The following CSMD1 variants were observed in gnomAD, a reference collection of about 807,000 sequenced individuals.
The protein encoded by CSMD1 is CUB and sushi domain-containing protein 1.
In CSMD1, 213 loss-of-function variants were observed where a neutral mutation model predicts 417.5. That is an observed-to-expected ratio of 0.51 (90% CI 0.46 to 0.57). The LOEUF is 0.57. Among genes scored for constraint, CSMD1 ranks in the 20% least tolerant of loss-of-function variants. The pLI is 0.00. For synonymous variants in CSMD1, 2,862 were observed against 1,736.8 expected (o/e 1.65, Z -16.11); for missense variants, 6,923 against 4,529.7 (o/e 1.53, Z -15.17).
intron 1 of CSMD1, among the ~76,000 whole-genome samples, chr8:4,744,241 C>A (rs1448110915): frequency 6.6e-6 from 1 of 152,224 alleles, no homozygotes; most frequent in Non-Finnish European, 1.5e-5. Context: ...CAAGTCCCCA[C>A]TTGGAAAGTA....
In CSMD1 at chr8:4,423,089, T is replaced by G. The variant is rs541018381; in HGVS notation, c.303-3024A>C. On this transcript the variant is annotated intron_variant, in intron 2 of 69. Transcript: ENST00000635120. The stretch of plus-strand genomic sequence containing the variant: ...AATTTAAAAAAGCCTAAAGATAACA[T>G]TTTGCTTAGTGGTTGAAGACTGAAT... 2.1e-4 allele frequency among the ~76,000 whole-genome samples: 32 copies of G among 152,138 alleles called. No homozygotes were observed. The South Asian group carries it at 4.6e-3, about 22-fold the overall frequency.
At chr8:4,554,298 G>A (rs926780202) in intron 2 of CSMD1, among the ~76,000 whole-genome samples, 5 of 151,926 alleles carry the variant, frequency 3.3e-5, no homozygotes, top group African/African-American at 9.7e-5. Flanking sequence ...CACGATGCCC[G>A]GCTAATTTTC....
At chr8:3,193,077 T>C (rs2129051762) in intron 33 of CSMD1, among the ~76,000 whole-genome samples, 1 of 152,188 alleles carries the variant, frequency 6.6e-6, no homozygotes, top group East Asian at 1.9e-4. Flanking sequence ...TGCACTTATC[T>C]AAGAGGCTTC....
chr8:4,123,278 A>T (rs1352406889), intron 3 of CSMD1, among the ~76,000 whole-genome samples: 1 of 152,212 alleles, frequency 6.6e-6, no homozygotes. Flanking sequence ...CTTTTAGAAT[A>T]TATTAGGTCA....
intron 52 of CSMD1, among the ~76,000 whole-genome samples, chr8:3,004,442 C>A (rs1807697338): frequency 6.6e-6 from 1 of 152,178 alleles, no homozygotes; most frequent in South Asian, 2.1e-4. Context: ...CCACTTTACT[C>A]TTAAATCAAT....
At chr8:4,318,699 T>G (rs1172132302) in intron 3 of CSMD1, among the ~76,000 whole-genome samples, 3 of 107,220 alleles carry the variant, frequency 2.8e-5, no homozygotes, top group Non-Finnish European at 5.9e-5. Context: ...AGGCTTAATA[T>G]TATTTTAAAA....
chr8:4,366,770 C>T (rs939190699), intron 3 of CSMD1, among the ~76,000 whole-genome samples: 6 of 152,076 alleles, frequency 3.9e-5, no homozygotes, highest in African/African-American at 1.4e-4. Flanking sequence ...ACGTTAGTTA[C>T]ATACATATAC....
At chr8:4,549,110 T>C (rs1343023120) in intron 2 of CSMD1, among the ~76,000 whole-genome samples, 3 of 152,170 alleles carry the variant, frequency 2.0e-5, no homozygotes, top group East Asian at 1.9e-4. Flanking sequence ...TTAAGAAAAG[T>C]GGTCATTAAA....
chr8:3,147,493 G>A lies in CSMD1; in HGVS notation c.6031+3904C>T, dbSNP rs558800965. ...GCATCCAAGGAACTGGAGCTGCTTC[G>A]GGAAGATGCCAAATTCATTTCCTAC... On this transcript the variant is annotated intron_variant, in intron 40 of 69. Transcript: ENST00000635120. 8.5e-4 allele frequency among the ~76,000 whole-genome samples: 130 copies of A among 152,270 alleles called. 1 individual carries two copies. The highest frequency in any genetic ancestry group is 1.7e-3 in the South Asian group (8 of 4,824).
Position 3,544,526 on chromosome 8 carries a change from C to T in CSMD1, c.1344+30419G>A, listed in dbSNP as rs1798575372. Among the ~76,000 whole-genome samples, 3 of 152,112 alleles carry T rather than the reference C, an allele frequency of 2.0e-5. 1 individual carries two copies. In the South Asian group the frequency reaches 6.2e-4, roughly 32 times the overall value. Reference sequence around the variant, plus strand: ...GAATAAACTTGCCTTTGCTTTTGCACTGTGGACTCGCCCTGAATTGTTTCT... The same window carrying T: ...GAATAAACTTGCCTTTGCTTTTGCATTGTGGACTCGCCCTGAATTGTTTCT... On this transcript the variant is annotated intron_variant, in intron 10 of 69. Coordinates refer to ENST00000635120, the MANE Select transcript of CSMD1 (RefSeq NM_033225.6).
At position 3,041,821 on chromosome 8, in the gene CSMD1, G is replaced by A. The variant is rs184976894; in HGVS notation, c.7660+10641C>T. ...TTCTTTCTGGCAGCCATCAAATGGC[G>A]GTAAACCCCATGTAGCCGACAGTCT... is the stretch of plus-strand genomic sequence containing the variant. On this transcript the variant is annotated intron_variant, in intron 50 of 69. Transcript: ENST00000635120. Among the ~76,000 whole-genome samples, 32 of 152,268 alleles carry A rather than the reference G, an allele frequency of 2.1e-4. No individual in the cohort carries two copies. In the East Asian group the frequency reaches 5.6e-3, roughly 27 times the overall value.
chr8:3,702,796 T>A (rs770803860), intron 7 of CSMD1, among the ~76,000 whole-genome samples: 2 of 152,180 alleles, frequency 1.3e-5, no homozygotes, highest in Non-Finnish European at 2.9e-5. Context: ...CGCACCACAC[T>A]CCAGCCTGGG....
intron 2 of CSMD1, among the ~76,000 whole-genome samples, chr8:4,423,456 A>T (rs1169174868): frequency 1.3e-5 from 2 of 152,064 alleles, no homozygotes; most frequent in African/African-American, 2.4e-5. Context: ...CATCAATCAC[A>T]ACAGCTCAAA....
intron 1 of CSMD1, among the ~76,000 whole-genome samples, chr8:4,914,063 T>C (rs77932357): frequency 0.01 from 1,572 of 152,298 alleles, 29 homozygotes; most frequent in African/African-American, 0.036. Context: ...CTTAGTACGA[T>C]ACCTAAATTA....
At chr8:4,763,155 C>T (rs1329544804) in intron 1 of CSMD1, among the ~76,000 whole-genome samples, 1 of 152,176 alleles carries the variant, frequency 6.6e-6, no homozygotes, top group Admixed American at 6.5e-5. Context: ...GAAATAAAAA[C>T]TGTCAACGAT....
chr8:3,097,955 CT>C (rs1473375611), intron 46 of CSMD1, among the ~76,000 whole-genome samples: 1 of 152,152 alleles, frequency 6.6e-6, no homozygotes, highest in Non-Finnish European at 1.5e-5. Flanking sequence ...CGTATCTTTT[CT>C]CCTCTTGCTT....
At chr8:3,648,857 G>C (rs1038905130) in intron 7 of CSMD1, among the ~76,000 whole-genome samples, 1 of 152,142 alleles carries the variant, frequency 6.6e-6, no homozygotes, top group Non-Finnish European at 1.5e-5. Flanking sequence ...TTGTTACCAA[G>C]TGTGACTCAG....
At chr8:3,142,770 A>G in intron 40 of CSMD1, 96 bp from the exon 41 acceptor site, 1 of 1,013,240 alleles carries the variant, frequency 9.9e-7, no homozygotes, top group Non-Finnish European at 1.5e-6. Flanking sequence ...GTCTCCCCAG[A>G]CAATCCCTCT....
chr8:4,759,569 C>A (rs918209398), intron 1 of CSMD1, among the ~76,000 whole-genome samples: 4 of 143,152 alleles, frequency 2.8e-5, no homozygotes, highest in African/African-American at 1.1e-4. Flanking sequence ...TTTCCCCGAA[C>A]CATCCCCCTG....
Sources: allele counts gnomAD v4.1 joint callset (sites outside exome capture counted in the v4.1 genomes callset), GRCh38; gene constraint gnomAD v4.1.1; transcripts MANE v1.5; gene names NCBI Gene and HGNC (gene_info 2026-07-23, HGNC 2026-07-21).